The following CDH13 variants were observed in gnomAD, a reference collection of about 807,000 sequenced individuals.
CDH13 encodes the protein cadherin 13.
CDH13 carries 24 observed loss-of-function variants against 63.8 expected under a neutral mutation model. The observed-to-expected ratio is 0.38, with a 90% CI of 0.27 to 0.53. The LOEUF (loss-of-function observed/expected upper bound fraction) is 0.53, where lower values mean the gene tolerates loss of function less well. Among genes scored for constraint, CDH13 ranks in the 20% least tolerant of loss-of-function variants. The probability of loss-of-function intolerance (pLI) is 0.85; values close to 1 mark genes in which losing one functional copy is unlikely to be tolerated. For synonymous variants in CDH13, 503 were observed against 355.3 expected, an observed-to-expected ratio of 1.42 and a Z score of -4.67; for missense variants, 1,049 against 903.1, an observed-to-expected ratio of 1.16 and a Z score of -2.07.
intron 1 of CDH13, among the ~76,000 whole-genome samples, chr16:82,773,931 C>T (rs1237799368): frequency 6.6e-6 from 1 of 151,884 alleles, no homozygotes; most frequent in African/African-American, 2.4e-5. Flanking sequence ...TTACAGCCAC[C>T]CACCACCACC....
chr16:82,642,973 C>G (rs558218155), intron 1 of CDH13, among the ~76,000 whole-genome samples: 2 of 152,272 alleles, frequency 1.3e-5, no homozygotes, highest in South Asian at 2.1e-4. Flanking sequence ...TTGTATGATT[C>G]TATGAAATGG....
chr16:83,012,987 A>G (rs1365481231), intron 2 of CDH13, among the ~76,000 whole-genome samples: 1 of 152,220 alleles, frequency 6.6e-6, no homozygotes, highest in East Asian at 1.9e-4. Context: ...TTTGTGGTTA[A>G]TCATGGAACT....
At chr16:83,141,161 G>C (rs543774129) in intron 4 of CDH13, among the ~76,000 whole-genome samples, 6 of 152,314 alleles carry the variant, frequency 3.9e-5, no homozygotes, top group African/African-American at 1.4e-4. Context: ...GAATATTAAA[G>C]CCGGAGGGGC....
chr16:83,108,155 T>G (rs2151615870), intron 3 of CDH13, among the ~76,000 whole-genome samples: 1 of 152,208 alleles, frequency 6.6e-6, no homozygotes, highest in Middle Eastern at 3.4e-3. Flanking sequence ...TCTTCCTTCA[T>G]TCCCCGGGTA....
chr16:83,624,338 G>GCCCCCCCCCCC (rs202230797), intron 8 of CDH13, among the ~76,000 whole-genome samples: 5 of 145,134 alleles, frequency 3.4e-5, no homozygotes, highest in African/African-American at 7.6e-5. Context: ...ATGAGATAAC[G>GCCCCCCCCCCC]CCCCCACCCC....
chr16:82,835,271 C>A (rs188126188), intron 1 of CDH13, among the ~76,000 whole-genome samples: 1 of 152,182 alleles, frequency 6.6e-6, no homozygotes, highest in Non-Finnish European at 1.5e-5. Flanking sequence ...CGGTGGCTGC[C>A]GCATTGGACA....
rs146387205 is a variant in CDH13 at position 82,946,518 on chromosome 16, C to A, written c.158-85492C>A. 7.2e-5 allele frequency among the ~76,000 whole-genome samples: 11 copies of A among 152,144 alleles called. No homozygotes were observed. In the East Asian group the frequency reaches 1.7e-3, roughly 24 times the overall value. On this transcript the variant is annotated intron_variant, in intron 2 of 13. Transcript: ENST00000567109. The stretch of plus-strand genomic sequence containing the variant: ...GCAGATCACTTGAGGCCAGGGAGTT[C>A]AAGACCAGCCTGGCCAAGATGGCAA...
At chr16:82,725,595 T>C (rs2033049996) in intron 1 of CDH13, among the ~76,000 whole-genome samples, 1 of 152,230 alleles carries the variant, frequency 6.6e-6, no homozygotes, top group Non-Finnish European at 1.5e-5. Context: ...GACCTCTTAA[T>C]GAATGCTAGA....
chr16:83,013,131 G>T (rs1182220757), intron 2 of CDH13, among the ~76,000 whole-genome samples: 1 of 152,194 alleles, frequency 6.6e-6, no homozygotes, highest in African/African-American at 2.4e-5. Flanking sequence ...TTTTGAAAAG[G>T]ATTAGAAAGT....
chr16:83,779,946 A>C (rs1915404608), intron 11 of CDH13, 22 bp from the exon 12 acceptor site: 2 of 1,561,616 alleles, frequency 1.3e-6, no homozygotes, highest in African/African-American at 1.4e-5. Context: ...TTGCATACCA[A>C]CATCTTCCCT....
intron 7 of CDH13, among the ~76,000 whole-genome samples, chr16:83,543,790 A>T (rs1253616520): frequency 6.6e-6 from 1 of 152,160 alleles, no homozygotes; most frequent in East Asian, 1.9e-4. Flanking sequence ...ACAGTACATA[A>T]CACAGTTCTC....
chr16:83,036,403 G>A (rs768810428), intron 3 of CDH13, among the ~76,000 whole-genome samples: 1 of 152,052 alleles, frequency 6.6e-6, no homozygotes, highest in Non-Finnish European at 1.5e-5. Context: ...TCCTGCCTCA[G>A]CCTCCCAAAG....
At position 82,832,695 on chromosome 16, in the gene CDH13, A is replaced by G. The variant is rs562219072; in HGVS notation, c.46-25667A>G. 2.7e-5 allele frequency among the ~76,000 whole-genome samples: 4 copies of G among 150,742 alleles called. No individual in the cohort carries two copies. In the South Asian group the frequency reaches 8.4e-4, roughly 32 times the overall value. The stretch of plus-strand genomic sequence containing the variant: ...TATAGCAACGATATGAAATTGTTTC[A>G]GTAACATTGCCATGTTACAGTAAGC... On this transcript the variant is annotated intron_variant, in intron 1 of 13. Transcript: ENST00000567109.
chr16:83,329,096 A>G (rs2090429044), intron 5 of CDH13, among the ~76,000 whole-genome samples: 1 of 152,222 alleles, frequency 6.6e-6, no homozygotes, highest in Non-Finnish European at 1.5e-5. Flanking sequence ...GGGCCACTGT[A>G]TCAGAATTAT....
At chr16:83,314,780 C>G (rs977043556) in intron 5 of CDH13, among the ~76,000 whole-genome samples, 7 of 152,210 alleles carry the variant, frequency 4.6e-5, no homozygotes, top group African/African-American at 1.7e-4. Flanking sequence ...ACTTTACATT[C>G]CAAATTCCAC....
At chr16:83,728,342 C>CGTGCGTGTGTGT (rs1555521386) in intron 10 of CDH13, among the ~76,000 whole-genome samples, 8 of 149,212 alleles carry the variant, frequency 5.4e-5, no homozygotes, top group African/African-American at 1.2e-4. Flanking sequence ...TATGTGTGTG[C>CGTGCGTGTGTGT]GTGTGTGTGT....
chr16:82,678,047 C>T (rs1247299525), intron 1 of CDH13, among the ~76,000 whole-genome samples: 2 of 152,104 alleles, frequency 1.3e-5, no homozygotes, highest in Non-Finnish European at 2.9e-5. Flanking sequence ...GCACAGAAGG[C>T]TTGCATAAAA....
chr16:83,279,554 G>A (rs2089097942), intron 5 of CDH13, among the ~76,000 whole-genome samples: 1 of 152,154 alleles, frequency 6.6e-6, no homozygotes, highest in Non-Finnish European at 1.5e-5. Context: ...CACCTTAAAG[G>A]TCAGGGGCAA....
intron 1 of CDH13, among the ~76,000 whole-genome samples, chr16:82,835,053 C>T (rs1387242860): frequency 1.3e-5 from 2 of 152,152 alleles, no homozygotes; most frequent in African/African-American, 2.4e-5. Context: ...TAAAAAGAAA[C>T]AGGTGACGTT....
Sources: allele counts gnomAD v4.1 joint callset (sites outside exome capture counted in the v4.1 genomes callset), GRCh38; gene constraint gnomAD v4.1.1; transcripts MANE v1.5; gene names NCBI Gene and HGNC (gene_info 2026-07-23, HGNC 2026-07-21).